Variants in PSD3 observed in about 807,000 individuals in gnomAD.
PSD3 encodes PH and SEC7 domain-containing protein 3.
A neutral mutation model predicts 105.5 loss-of-function variants in PSD3; 49 were observed. That is an observed-to-expected ratio of 0.46 (90% CI 0.37 to 0.59). PSD3 has a LOEUF of 0.59. Among genes scored for constraint, PSD3 ranks in the 20% least tolerant of loss-of-function variants. The pLI is 0.00. For missense variants in PSD3, 1,561 were observed against 1,263.8 expected (o/e 1.24, Z -3.57); for synonymous variants, 557 against 457.8 (o/e 1.22, Z -2.77).
chr8:18,789,639 TC>T (rs2129446154), intron 8 of PSD3, among the ~76,000 whole-genome samples: 1 of 152,172 alleles, frequency 6.6e-6, no homozygotes, highest in Non-Finnish European at 1.5e-5. Flanking sequence ...GGAAAGCACT[TC>T]CCCTAAAATT....
At chr8:18,550,422 G>A (rs1332680416) in intron 15 of PSD3, among the ~76,000 whole-genome samples, 1 of 152,156 alleles carries the variant, frequency 6.6e-6, no homozygotes, top group Non-Finnish European at 1.5e-5. Context: ...ATAAACTGTT[G>A]ATCTTACATC....
At chr8:18,647,736 T>C (rs1585492450) in intron 10 of PSD3, among the ~76,000 whole-genome samples, 1 of 151,494 alleles carries the variant, frequency 6.6e-6, no homozygotes, top group Non-Finnish European at 1.5e-5. Flanking sequence ...TGGATTGTAA[T>C]CCCAAATGTT....
chr8:18,998,001 A>C (rs4357329), intron 1 of PSD3, among the ~76,000 whole-genome samples: 53,186 of 151,180 alleles, frequency 0.35, 9,745 homozygotes, highest in East Asian at 0.39. Context: ...TTTAATTTTT[A>C]TTTTACTTAT....
chr8:18,938,769 G>A (rs979768849), intron 1 of PSD3, among the ~76,000 whole-genome samples: 2 of 152,136 alleles, frequency 1.3e-5, no homozygotes, highest in African/African-American at 4.8e-5. Context: ...ATGAGGTGGG[G>A]GCTACTGTCA....
chr8:18,657,622 T>C (rs1321168966), intron 9 of PSD3, among the ~76,000 whole-genome samples: 1 of 152,020 alleles, frequency 6.6e-6, no homozygotes, highest in Non-Finnish European at 1.5e-5. Flanking sequence ...ATATAGTTAA[T>C]GTATCAGGAG....
At chr8:18,722,583 G>A (rs1487749) in intron 9 of PSD3, among the ~76,000 whole-genome samples, 129,599 of 151,994 alleles carry the variant, frequency 0.85, 55,731 homozygotes, top group Middle Eastern at 0.92. Context: ...ATTTCCACCT[G>A]AAGGAAGTAC....
intron 1 of PSD3, among the ~76,000 whole-genome samples, chr8:19,078,185 C>T (rs576235743): frequency 6.6e-5 from 10 of 151,874 alleles, no homozygotes; most frequent in South Asian, 2.1e-4. Context: ...CATGAGTCAC[C>T]GAGCCAAGCC....
In PSD3 at chr8:18,546,672, G is replaced by C. The variant is rs1800468993; in HGVS notation, c.2928+9537C>G. Among the ~76,000 whole-genome samples, 3 of 152,090 alleles carry C rather than the reference G, an allele frequency of 2.0e-5. No individual in the cohort carries two copies. The South Asian group carries it at 6.2e-4, about 32-fold the overall frequency. ...AAGATCTATTATCCTCAGGAAATTT[G>C]AAGTACATAATACATTATTATTAAA... On this transcript the variant is annotated intron_variant, in intron 15 of 15. Transcript: ENST00000327040.
intron 1 of PSD3, among the ~76,000 whole-genome samples, chr8:19,032,073 C>T (rs78700974): frequency 0.048 from 7,316 of 152,124 alleles, 536 homozygotes; most frequent in African/African-American, 0.16. Context: ...ACACCTGGAG[C>T]GAGGGGACCA....
At chr8:18,947,032 C>T (rs556715827) in intron 1 of PSD3, among the ~76,000 whole-genome samples, 1 of 152,020 alleles carries the variant, frequency 6.6e-6, no homozygotes, top group Non-Finnish European at 1.5e-5. Flanking sequence ...CGTGCTTGGG[C>T]CAAAGGGGAT....
intron 1 of PSD3, among the ~76,000 whole-genome samples, chr8:18,999,647 AATT>A (rs1826269822): frequency 2.6e-5 from 4 of 151,898 alleles, no homozygotes; most frequent in African/African-American, 7.3e-5. Context: ...TTTATTTTAA[AATT>A]ATTTTTTACT....
At chr8:18,604,269 T>C (rs1243466816) in intron 11 of PSD3, among the ~76,000 whole-genome samples, 1 of 152,042 alleles carries the variant, frequency 6.6e-6, no homozygotes, top group Non-Finnish European at 1.5e-5. Flanking sequence ...GGAACTGGAG[T>C]ACAAGTCACT....
intron 10 of PSD3, among the ~76,000 whole-genome samples, chr8:18,650,539 G>A (rs1156613641): frequency 6.6e-6 from 1 of 152,148 alleles, no homozygotes; most frequent in Non-Finnish European, 1.5e-5. Flanking sequence ...TTGACTCACT[G>A]CACTCTTCAT....
At chr8:18,873,151 C>G (rs1005447682) in intron 2 of PSD3, among the ~76,000 whole-genome samples, 8 of 152,202 alleles carry the variant, frequency 5.3e-5, no homozygotes, top group Non-Finnish European at 2.9e-5. Flanking sequence ...ATCTAGCCAA[C>G]AGTATCTGTG....
At chr8:18,781,779 C>T (rs549892706) in intron 8 of PSD3, among the ~76,000 whole-genome samples, 81 of 152,224 alleles carry the variant, frequency 5.3e-4, no homozygotes, top group Non-Finnish European at 6.5e-4. Context: ...CCTATTATTT[C>T]GTTAAATGGG....
chr8:18,681,641 T>C (rs947843651), intron 9 of PSD3, among the ~76,000 whole-genome samples: 1 of 152,004 alleles, frequency 6.6e-6, no homozygotes, highest in Admixed American at 6.6e-5. Flanking sequence ...TATAATTAAG[T>C]TCAGTAATTT....
intron 14 of PSD3, chr8:18,557,468 G>A (rs1585235108): frequency 6.5e-6 from 1 of 153,890 alleles, no homozygotes; most frequent in African/African-American, 2.4e-5. Flanking sequence ...AATATCTTAC[G>A]GACTTTTGTA....
chr8:19,006,159 G>A (rs1826669298), intron 1 of PSD3, among the ~76,000 whole-genome samples: 1 of 151,422 alleles, frequency 6.6e-6, no homozygotes, highest in South Asian at 2.1e-4. Flanking sequence ...TGGGTGTGGT[G>A]GCACGTGCCT....
chr8:19,049,017 A>G (rs1828422209), intron 1 of PSD3, among the ~76,000 whole-genome samples: 3 of 152,112 alleles, frequency 2.0e-5, no homozygotes, highest in Admixed American at 6.6e-5. Context: ...TAATCTCTTT[A>G]TAAGAACACC....
Sources: allele counts gnomAD v4.1 joint callset (sites outside exome capture counted in the v4.1 genomes callset), GRCh38; gene constraint gnomAD v4.1.1; transcripts MANE v1.5; gene names NCBI Gene and HGNC (gene_info 2026-07-23, HGNC 2026-07-21).